Variants in DLG2 observed in about 807,000 individuals in gnomAD.
The protein encoded by DLG2 is discs large MAGUK scaffold protein 2, also known as disks large homolog 2.
Under a neutral mutation model 132.5 loss-of-function variants are expected in DLG2, and 45 were observed. That is an observed-to-expected ratio of 0.34 (90% CI 0.27 to 0.44). DLG2 has a LOEUF of 0.44. Among genes scored for constraint, DLG2 ranks in the 20% least tolerant of loss-of-function variants. The pLI, the probability that DLG2 is intolerant of heterozygous loss-of-function variation, is 1.00. For missense variants in DLG2, 1,045 were observed against 1,196.9 expected (o/e 0.87, Z 1.87); for synonymous variants, 424 against 419.6 (o/e 1.01, Z -0.13).
At chr11:84,591,201 A>G (rs1295455237) in intron 6 of DLG2, among the ~76,000 whole-genome samples, 1 of 137,764 alleles carries the variant, frequency 7.3e-6, no homozygotes. Context: ...TTTGTTATAA[A>G]CACTGCTATA....
At position 83,885,524 on chromosome 11, in the gene DLG2, A is replaced by G. The variant is rs557702477; in HGVS notation, c.1497-11036T>C. 1.3e-3 allele frequency among the ~76,000 whole-genome samples: 196 copies of G among 152,284 alleles called. 1 individual carries two copies. Among genetic ancestry groups the G allele is most frequent in the Non-Finnish European group, 1.2e-3 (82 of 68,026 alleles). On this transcript the variant is annotated intron_variant, in intron 15 of 27. Transcript: ENST00000376104. ...ATGGAATCAAGCTGGAAAACACTCT[A>G]CAGGATATTATCCAGGAGAACTTCC... is the stretch of plus-strand genomic sequence containing the variant.
At chr11:84,267,858 T>C (rs1003373863) in intron 7 of DLG2, among the ~76,000 whole-genome samples, 1 of 152,212 alleles carries the variant, frequency 6.6e-6, no homozygotes, top group African/African-American at 2.4e-5. Flanking sequence ...AGGCCACACA[T>C]AGCAGGGACA....
chr11:84,048,996 A>C (rs1209435569), intron 11 of DLG2, among the ~76,000 whole-genome samples: 9 of 151,704 alleles, frequency 5.9e-5, no homozygotes, highest in Admixed American at 4.0e-4. Flanking sequence ...ATTCTCAATA[A>C]GACAGCTCTA....
chr11:85,385,027 T>C (rs2086211456), intron 3 of DLG2, among the ~76,000 whole-genome samples: 1 of 152,258 alleles, frequency 6.6e-6, no homozygotes, highest in Non-Finnish European at 1.5e-5. Flanking sequence ...TTCCTGTTTA[T>C]ACTTTTTTCC....
intron 21 of DLG2, among the ~76,000 whole-genome samples, chr11:83,520,629 A>G (rs2095442170): frequency 7.1e-6 from 1 of 141,522 alleles, no homozygotes; most frequent in Admixed American, 6.8e-5. Flanking sequence ...GTAGGTAGAT[A>G]GGTAGGTAGG....
At chr11:85,521,105 A>C (rs1242326760) in intron 3 of DLG2, among the ~76,000 whole-genome samples, 1 of 152,254 alleles carries the variant, frequency 6.6e-6, no homozygotes, top group Non-Finnish European at 1.5e-5. Context: ...AAATATCTGC[A>C]AACTATCTGA....
chr11:83,770,253 G>GTTTTTTTTTTTTTTT (rs2094331723), intron 18 of DLG2, among the ~76,000 whole-genome samples: 1 of 100,958 alleles, frequency 9.9e-6, no homozygotes, highest in African/African-American at 5.0e-5. Context: ...GTGGTGTCTG[G>GTTTTTTTTTTTTTTT]TGTTTTTTTT....
intron 7 of DLG2, among the ~76,000 whole-genome samples, chr11:84,283,348 C>T (rs1053691683): frequency 6.6e-6 from 1 of 152,038 alleles, no homozygotes; most frequent in African/African-American, 2.4e-5. Context: ...GTAAATAGAG[C>T]CTGTGAGATA....
intron 9 of DLG2, among the ~76,000 whole-genome samples, chr11:84,120,067 A>G (rs747690270): frequency 3.3e-5 from 5 of 152,236 alleles, no homozygotes; most frequent in Non-Finnish European, 7.3e-5. Flanking sequence ...CATTTCATCC[A>G]AAGGCAAAGG....
At chr11:85,467,047 T>C (rs2092814895) in intron 3 of DLG2, among the ~76,000 whole-genome samples, 2 of 152,328 alleles carry the variant, frequency 1.3e-5, no homozygotes, top group South Asian at 2.1e-4. Context: ...GTTGGATTCC[T>C]AGGTATTTTA....
chr11:84,667,490 TG>T (rs1468150422), intron 6 of DLG2, among the ~76,000 whole-genome samples: 2 of 39,786 alleles, frequency 5.0e-5, no homozygotes, highest in African/African-American at 2.4e-4. Context: ...TTTTGTTTTT[TG>T]TTTTTTGTTT....
chr11:83,598,455 A>C (rs2153363662), intron 19 of DLG2, among the ~76,000 whole-genome samples: 1 of 152,368 alleles, frequency 6.6e-6, no homozygotes, highest in South Asian at 2.1e-4. Flanking sequence ...ACAGTGTAGT[A>C]GAAAGAGTCT....
intron 6 of DLG2, among the ~76,000 whole-genome samples, chr11:84,555,926 T>C (rs1038742690): frequency 6.6e-6 from 1 of 152,198 alleles, no homozygotes; most frequent in Non-Finnish European, 1.5e-5. Flanking sequence ...GAACCTGTGC[T>C]GGTGCCTGAG....
At chr11:84,998,346 AT>A (rs1053405072) in intron 6 of DLG2, among the ~76,000 whole-genome samples, 3 of 152,028 alleles carry the variant, frequency 2.0e-5, no homozygotes, top group Non-Finnish European at 4.4e-5. Context: ...AGCATCCGAC[AT>A]TTCCCATTTG....
chr11:84,801,430 G>A (rs538139896), intron 6 of DLG2, among the ~76,000 whole-genome samples: 35 of 152,308 alleles, frequency 2.3e-4, no homozygotes, highest in Non-Finnish European at 5.0e-4. Context: ...AACTAGCCGG[G>A]TGTGGTGGCG....
At chr11:84,437,672 A>T (rs867369481) in intron 7 of DLG2, 2 of 152,320 alleles carry the variant, frequency 1.3e-5, no homozygotes, top group Non-Finnish European at 2.9e-5. Flanking sequence ...GTCTGCAGGT[A>T]TATTTACATC....
chr11:83,948,005 C>A (rs1433611767), intron 14 of DLG2, among the ~76,000 whole-genome samples: 1 of 152,182 alleles, frequency 6.6e-6, no homozygotes, highest in Non-Finnish European at 1.5e-5. Flanking sequence ...CTGTGCAGTA[C>A]TAGATAGCTG....
intron 17 of DLG2, among the ~76,000 whole-genome samples, chr11:83,795,417 ATATCT>A (rs1305194168): frequency 1.5e-4 from 21 of 142,496 alleles, no homozygotes; most frequent in South Asian, 4.5e-4. Context: ...AAGAAAAAAA[ATATCT>A]ATATCTATAT....
chr11:85,488,733 C>T (rs374194340), intron 3 of DLG2, among the ~76,000 whole-genome samples: 1 of 152,144 alleles, frequency 6.6e-6, no homozygotes, highest in African/African-American at 2.4e-5. Flanking sequence ...CAACTGGAAG[C>T]CCATAATTCT....
Sources: allele counts gnomAD v4.1 joint callset (sites outside exome capture counted in the v4.1 genomes callset), GRCh38; gene constraint gnomAD v4.1.1; transcripts MANE v1.5; gene names NCBI Gene and HGNC (gene_info 2026-07-23, HGNC 2026-07-21).